PCDH9: variants seen among roughly 807,000 people sequenced by gnomAD.
PCDH9 encodes the protein protocadherin-9.
A neutral mutation model predicts 70.6 loss-of-function variants in PCDH9; 24 were observed. The observed-to-expected ratio is 0.34, with a 90% CI of 0.25 to 0.48. PCDH9 has a LOEUF of 0.48. Among genes scored for constraint, PCDH9 ranks in the 20% least tolerant of loss-of-function variants. The pLI is 0.99. For synonymous variants in PCDH9, 562 were observed against 558.5 expected, an observed-to-expected ratio of 1.01 and a Z score of -0.09; for missense variants, 1,281 against 1,503.6, an observed-to-expected ratio of 0.85 and a Z score of 2.45.
chr13:67,011,848 G>A (rs1364776332), intron 2 of PCDH9, among the ~76,000 whole-genome samples: 1 of 151,760 alleles, frequency 6.6e-6, no homozygotes, highest in Non-Finnish European at 1.5e-5. Flanking sequence ...TGACTAGGTC[G>A]CTACTAATAT....
chr13:67,091,120 C>T (rs1233439025), intron 2 of PCDH9, among the ~76,000 whole-genome samples: 1 of 152,104 alleles, frequency 6.6e-6, no homozygotes. Context: ...AAATGTTTCA[C>T]TTTGTTTCTC....
At chr13:67,115,551 A>T (rs1417234756) in intron 2 of PCDH9, among the ~76,000 whole-genome samples, 1 of 152,240 alleles carries the variant, frequency 6.6e-6, no homozygotes, top group Non-Finnish European at 1.5e-5. Context: ...TGATCCTTGT[A>T]AACTTTCCAG....
intron 4 of PCDH9, among the ~76,000 whole-genome samples, chr13:66,423,451 C>G (rs1269298013): frequency 6.6e-6 from 1 of 152,018 alleles, no homozygotes; most frequent in Non-Finnish European, 1.5e-5. Flanking sequence ...CAAACCGAAT[C>G]CAGCAGCATA....
intron 3 of PCDH9, among the ~76,000 whole-genome samples, chr13:66,730,897 T>TTG (rs1555262883): frequency 7.7e-6 from 1 of 129,100 alleles, no homozygotes; most frequent in African/African-American, 2.9e-5. Flanking sequence ...GTTTGTTTCT[T>TTG]TTTTTTTGTG....
chr13:66,438,395 CT>C (rs1390811622), intron 4 of PCDH9, among the ~76,000 whole-genome samples: 1 of 152,076 alleles, frequency 6.6e-6, no homozygotes, highest in Admixed American at 6.5e-5. Flanking sequence ...TGGGCATTCC[CT>C]TGCTGAGTCA....
In PCDH9 at chr13:66,504,291, T is replaced by C. The variant is rs80151786; in HGVS notation, c.3340+126919A>G. 2.5e-3 allele frequency among the ~76,000 whole-genome samples: 377 copies of C among 152,360 alleles called. 5 individuals carry two copies. In the East Asian group the frequency reaches 0.042, roughly 17 times the overall value. ...TTATTTATTCAATCTTAATAATTAT[T>C]GTAATCATTGTAAATCTTATAATTA... On this transcript the variant is annotated intron_variant, in intron 4 of 4. Transcript: ENST00000377865.
chr13:67,010,670 T>C (rs2084435723), intron 2 of PCDH9, among the ~76,000 whole-genome samples: 1 of 152,022 alleles, frequency 6.6e-6, no homozygotes, highest in African/African-American at 2.4e-5. Flanking sequence ...CATTGCCCAA[T>C]TCATGACAAT....
chr13:66,396,184 A>G (rs755019350), intron 4 of PCDH9, among the ~76,000 whole-genome samples: 1 of 152,230 alleles, frequency 6.6e-6, no homozygotes, highest in Non-Finnish European at 1.5e-5. Context: ...AGAAAAGTAC[A>G]CATACCCAGT....
At chr13:66,462,146 C>T (rs1018990219) in intron 4 of PCDH9, among the ~76,000 whole-genome samples, 1 of 151,756 alleles carries the variant, frequency 6.6e-6, no homozygotes, top group African/African-American at 2.4e-5. Flanking sequence ...CCATGCTCCC[C>T]CAACCCCTTT....
At chr13:66,959,692 A>T (rs2083314681) in intron 2 of PCDH9, among the ~76,000 whole-genome samples, 1 of 151,572 alleles carries the variant, frequency 6.6e-6, no homozygotes, top group African/African-American at 2.4e-5. Flanking sequence ...TTGAGGTTGT[A>T]GTAAATTATG....
intron 3 of PCDH9, among the ~76,000 whole-genome samples, chr13:66,846,573 T>G (rs1288545005): frequency 1.3e-5 from 2 of 152,150 alleles, no homozygotes; most frequent in African/African-American, 4.8e-5. Flanking sequence ...ATTACATTCC[T>G]TTTTCTTTAT....
At chr13:67,059,607 T>C (rs1374529272) in intron 2 of PCDH9, among the ~76,000 whole-genome samples, 1 of 151,396 alleles carries the variant, frequency 6.6e-6, no homozygotes, top group Non-Finnish European at 1.5e-5. Flanking sequence ...TCCAGGCACA[T>C]ACGGCTCAAG....
chr13:66,601,410 C>T (rs1444291849), intron 4 of PCDH9, among the ~76,000 whole-genome samples: 1 of 145,570 alleles, frequency 6.9e-6, no homozygotes, highest in Non-Finnish European at 1.5e-5. Flanking sequence ...GGTACAAGTG[C>T]AATTAGTTTG....
chr13:67,003,030 G>A (rs1224704338), intron 2 of PCDH9, among the ~76,000 whole-genome samples: 1 of 151,658 alleles, frequency 6.6e-6, no homozygotes, highest in African/African-American at 2.4e-5. Context: ...ATTTAGAGAT[G>A]ATGTTAATGG....
chr13:66,821,625 C>CT (rs1415917609), intron 3 of PCDH9, among the ~76,000 whole-genome samples: 1 of 151,980 alleles, frequency 6.6e-6, no homozygotes, highest in Admixed American at 6.6e-5. Flanking sequence ...GATGCAGGAA[C>CT]TTTTTTTTAT....
chr13:66,975,693 T>G (rs988855597), intron 2 of PCDH9, among the ~76,000 whole-genome samples: 5 of 151,970 alleles, frequency 3.3e-5, no homozygotes, highest in Admixed American at 2.0e-4. Context: ...TCAGCAAACC[T>G]TTATTAAGCG....
At chr13:66,499,291 AT>A (rs200844069) in intron 4 of PCDH9, among the ~76,000 whole-genome samples, 1 of 151,940 alleles carries the variant, frequency 6.6e-6, no homozygotes, top group African/African-American at 2.4e-5. Flanking sequence ...TTTAAAGCAG[AT>A]TTTTTTTATT....
At chr13:67,080,368 A>C (rs1318712699) in intron 2 of PCDH9, among the ~76,000 whole-genome samples, 2 of 152,194 alleles carry the variant, frequency 1.3e-5, no homozygotes, top group Non-Finnish European at 2.9e-5. Context: ...TTTGATTCCT[A>C]TCCACGTATT....
intron 2 of PCDH9, among the ~76,000 whole-genome samples, chr13:67,162,959 G>A (rs2138421483): frequency 6.6e-6 from 1 of 152,216 alleles, no homozygotes; most frequent in East Asian, 1.9e-4. Flanking sequence ...ATGTACTTTT[G>A]CAGCTCTTTA....
Sources: gnomAD v4.1 joint callset for allele counts (sites outside exome capture counted in the v4.1 genomes callset) on GRCh38, gnomAD v4.1.1 for gene constraint, MANE v1.5 for transcripts, NCBI Gene and HGNC (gene_info 2026-07-23, HGNC 2026-07-21) for gene names.